AOPEP: variants seen among roughly 807,000 people sequenced by gnomAD.
The protein encoded by AOPEP is aminopeptidase O.
AOPEP carries 77 observed loss-of-function variants against 98.1 expected under a neutral mutation model. That is an observed-to-expected ratio of 0.78 (90% CI 0.65 to 0.95). The LOEUF is 0.95. Ranked by LOEUF, AOPEP falls within the 40% of genes least tolerant of loss-of-function variation. The pLI is 0.00. For synonymous variants in AOPEP, 346 were observed against 365.3 expected (o/e 0.95, Z 0.60); for missense variants, 1,024 against 1,024.7 (o/e 1.00, Z 0.01).
At chr9:94,998,143 C>T (rs1487170128) in intron 11 of AOPEP, among the ~76,000 whole-genome samples, 1 of 151,400 alleles carries the variant, frequency 6.6e-6, no homozygotes, top group Non-Finnish European at 1.5e-5. Context: ...TTATATTTTC[C>T]AGCCTATGTT....
At chr9:95,138,407 G>A in the AOPEP span, among the ~76,000 whole-genome samples, 1 of 152,222 alleles carries the variant, frequency 6.6e-6, no homozygotes, top group African/African-American at 2.4e-5. Flanking sequence ...TGGAGCCCTG[G>A]AGAGGGGTTC....
At chr9:95,051,579 G>A (rs926800872) in intron 13 of AOPEP, among the ~76,000 whole-genome samples, 1 of 152,026 alleles carries the variant, frequency 6.6e-6, no homozygotes, top group African/African-American at 2.4e-5. Context: ...TTAAAAAATT[G>A]CAGAGCTATC....
chr9:95,061,578 T>G (rs1384121067), intron 14 of AOPEP, among the ~76,000 whole-genome samples: 1 of 152,216 alleles, frequency 6.6e-6, no homozygotes, highest in Non-Finnish European at 1.5e-5. Flanking sequence ...AAATGCACAA[T>G]GAATAGTGAA....
downstream of AOPEP, among the ~76,000 whole-genome samples, chr9:95,088,496 A>G (rs1476246143): frequency 7.0e-6 from 1 of 143,606 alleles, no homozygotes; most frequent in East Asian, 2.0e-4. Context: ...GGCGTGAACC[A>G]CTGTACCCGG....
chr9:95,001,412 A>G (rs1460821702), intron 11 of AOPEP, among the ~76,000 whole-genome samples: 5 of 152,230 alleles, frequency 3.3e-5, no homozygotes, highest in African/African-American at 1.2e-4. Context: ...TCAGATAGAA[A>G]ACATCTGTTT....
intron 5 of AOPEP, among the ~76,000 whole-genome samples, chr9:94,836,580 A>G (rs2041628263): frequency 6.6e-6 from 1 of 152,138 alleles, no homozygotes; most frequent in South Asian, 2.1e-4. Context: ...TGAGAGTTCC[A>G]TTATGTATTT....
intron 1 of AOPEP, among the ~76,000 whole-genome samples, chr9:94,748,270 A>G (rs1247847101): frequency 6.6e-6 from 1 of 152,130 alleles, no homozygotes; most frequent in Non-Finnish European, 1.5e-5. Context: ...TGTGTGTAAT[A>G]TGTCATTTTG....
chr9:94,885,367 A>G (rs2048109292), intron 5 of AOPEP, among the ~76,000 whole-genome samples: 2 of 129,776 alleles, frequency 1.5e-5, no homozygotes, highest in African/African-American at 7.0e-5. Flanking sequence ...AAAAAAAAAA[A>G]AAAAAAAAAA....
chr9:94,728,666 G>A (rs1244620616), intron 1 of AOPEP, among the ~76,000 whole-genome samples: 2 of 152,208 alleles, frequency 1.3e-5, no homozygotes, highest in Admixed American at 6.5e-5. Context: ...ACAGGAAGAT[G>A]CTGAGGTCAA....
intron 7 of AOPEP, among the ~76,000 whole-genome samples, chr9:94,938,109 GT>G (rs2056551466): frequency 6.6e-6 from 1 of 152,224 alleles, no homozygotes; most frequent in Admixed American, 6.5e-5. Context: ...TCCTGACCTT[GT>G]GATCCACCTG....
At chr9:95,147,390 C>T in the AOPEP span, among the ~76,000 whole-genome samples, 1 of 152,170 alleles carries the variant, frequency 6.6e-6, no homozygotes, top group South Asian at 2.1e-4. Context: ...ATGGTGCATG[C>T]CTGTAATCCC....
At chr9:94,892,467 C>T (rs2048987299) in intron 5 of AOPEP, among the ~76,000 whole-genome samples, 2 of 152,186 alleles carry the variant, frequency 1.3e-5, no homozygotes, top group African/African-American at 4.8e-5. Context: ...CTACATAGAG[C>T]TCGCTGGAAG....
At chr9:95,117,371 G>C in the AOPEP span, 1 of 1,614,008 alleles carries the variant, frequency 6.2e-7, no homozygotes, top group Non-Finnish European at 8.5e-7. Context: ...AGGAAAGTAG[G>C]TCTTGAGTGC....
intron 5 of AOPEP, among the ~76,000 whole-genome samples, chr9:94,868,501 TGAGGTGGTGA>T (rs2045959742): frequency 6.6e-6 from 1 of 152,184 alleles, no homozygotes; most frequent in Non-Finnish European, 1.5e-5. Flanking sequence ...CTAGTATGGA[TGAGGTGGTGA>T]GAAATGGTGG....
chr9:94,981,427 G>A (rs1368995003), intron 11 of AOPEP, among the ~76,000 whole-genome samples: 1 of 152,136 alleles, frequency 6.6e-6, no homozygotes, highest in Non-Finnish European at 1.5e-5. Flanking sequence ...GACCCAACTG[G>A]TATTTCCTTG....
At chr9:94,807,455 C>T (rs1849483691) in intron 5 of AOPEP, among the ~76,000 whole-genome samples, 1 of 152,206 alleles carries the variant, frequency 6.6e-6, no homozygotes, top group African/African-American at 2.4e-5. Context: ...CTGAAGCAAT[C>T]ATTCCTCTAC....
intron 5 of AOPEP, among the ~76,000 whole-genome samples, chr9:94,885,732 A>T (rs2048166266): frequency 6.6e-6 from 1 of 152,228 alleles, no homozygotes; most frequent in African/African-American, 2.4e-5. Context: ...GAACCACTGG[A>T]ATAGACAGAT....
chr9:95,109,917 T>C, the AOPEP span, among the ~76,000 whole-genome samples: 1 of 152,178 alleles, frequency 6.6e-6, no homozygotes, highest in Non-Finnish European at 1.5e-5. Context: ...GTACGTATCA[T>C]TCATTAAACT....
At chr9:94,948,527 G>C (rs2057858345) in intron 7 of AOPEP, among the ~76,000 whole-genome samples, 1 of 151,902 alleles carries the variant, frequency 6.6e-6, no homozygotes, top group East Asian at 1.9e-4. Flanking sequence ...TTGCAAATCG[G>C]AATAGCTGTC....
Sources: gnomAD v4.1 joint callset for allele counts (sites outside exome capture counted in the v4.1 genomes callset) on GRCh38, gnomAD v4.1.1 for gene constraint, MANE v1.5 for transcripts, NCBI Gene and HGNC (gene_info 2026-07-23, HGNC 2026-07-21) for gene names.